Variants in B3GALNT2 observed in about 807,000 individuals in gnomAD.
The protein encoded by B3GALNT2 is beta-1,3-N-acetylgalactosaminyltransferase 2, also known as UDP-GalNAc:beta-1,3-N-acetylgalactosaminyltransferase 2.
Under a neutral mutation model 61.1 loss-of-function variants are expected in B3GALNT2, and 53 were observed. That is an observed-to-expected ratio of 0.87 (90% confidence interval 0.70 to 1.09). B3GALNT2 has a LOEUF of 1.09. Ranked by LOEUF, B3GALNT2 falls within the 50% of genes least tolerant of loss-of-function variation. The probability of loss-of-function intolerance (pLI) is 0.00; values close to 1 mark genes in which losing one functional copy is unlikely to be tolerated. For missense variants in B3GALNT2, 544 were observed against 623.0 expected, an observed-to-expected ratio of 0.87 and a Z score of 1.35; for synonymous variants, 223 against 237.4, an observed-to-expected ratio of 0.94 and a Z score of 0.56.
rs890331096 is a variant in B3GALNT2 at position 235,448,004 on chromosome 1, T to A, written c.*2202A>T. ...GGCGGGCGGATCACGAGGTCAGGAG[T>A]TCAAGACCAGCCTGGCCAACATGGT... On this transcript the variant is annotated 3_prime_UTR_variant, in exon 12 of 12. Coordinates refer to ENST00000366600, the MANE Select transcript of B3GALNT2 (RefSeq NM_152490.5). 3.3e-5 allele frequency among the ~76,000 whole-genome samples: 5 copies of A among 151,112 alleles called. No homozygotes were observed. The highest frequency in any genetic ancestry group is 2.1e-4 in the South Asian group (1 of 4,786).
intron 10 of B3GALNT2, among the ~76,000 whole-genome samples, chr1:235,453,875 C>G (rs1458817805): frequency 6.6e-6 from 1 of 152,046 alleles, no homozygotes; most frequent in Non-Finnish European, 1.5e-5. Flanking sequence ...AGAGGTGATT[C>G]CTATACAGAG....
At position 235,494,692 on chromosome 1, in the gene B3GALNT2, T is replaced by C. The variant is rs770930732; in HGVS notation, c.249A>G (p.Thr83=). The C allele has an allele frequency of 3.1e-6, 5 of 1,612,264 alleles. No individual in the cohort carries two copies. The highest frequency in any genetic ancestry group is 1.7e-5 in the Admixed American group (1 of 59,796). The change falls in exon 2 of 12, where the codon ACA becomes ACG. Residue 83 remains threonine (T), a synonymous_variant. Transcript: ENST00000366600. Reference sequence around the variant, plus strand: ...CTCAGAAAACCTACCGTTGACTTAATGTGGGATGCTGTAGCAAATGTCTCA... The same window carrying C: ...CTCAGAAAACCTACCGTTGACTTAACGTGGGATGCTGTAGCAAATGTCTCA... ...TWMRHLLQHP[T]LSQRVLVKFI...
chr1:235,494,863 T>C (rs1437256382), intron 1 of B3GALNT2, 35 bp from the exon 2 acceptor site: 1 of 1,536,502 alleles, frequency 6.5e-7, no homozygotes. Flanking sequence ...AAATAAGTCA[T>C]GTATCAATTA....
intron 11 of B3GALNT2, chr1:235,451,246 A>G (rs1682878380): frequency 6.6e-6 from 1 of 152,154 alleles, no homozygotes; most frequent in South Asian, 2.1e-4. Flanking sequence ...AGTGGGATGG[A>G]AAGGAGTCTC....
Position 235,448,496 on chromosome 1 carries a change from C to T in B3GALNT2, c.*1710G>A. 2 of 1,529,680 alleles carry T rather than the reference C, an allele frequency of 1.3e-6. No homozygotes were observed. Among genetic ancestry groups the T allele is most frequent in the Non-Finnish European group, 9.1e-7 (1 of 1,103,444 alleles). 94.8% of individuals were successfully genotyped at this position (1,529,680 alleles called of 1,614,324 possible). A position where few individuals can be genotyped will look rare whatever the true frequency, so the allele number is the denominator to read the frequency against. On this transcript the variant is annotated 3_prime_UTR_variant, in exon 12 of 12. Coordinates refer to ENST00000366600, the MANE Select transcript of B3GALNT2 (RefSeq NM_152490.5). ...GTCAAGCTTAGTCCTCGTATTATGA[C>T]ATTAAACTGTCTCTAGATAGCAACA... is the stretch of plus-strand genomic sequence containing the variant.
rs1358237295 is a variant in B3GALNT2, at chr1:235,454,261, G to A, written c.1206C>T (p.Tyr402=). ...DRTGKWQELE[Y]PSPAYPAFAC... ...CAAAGGCAGGGTAAGCGGGGCTCGG[G>A]TACTCCAACTCCTGCCACTTTCCGG... is the stretch of plus-strand genomic sequence containing the variant. Residue 402 remains tyrosine (Y), a synonymous_variant, in exon 10 of 12, where the codon TAC becomes TAT. Coordinates refer to ENST00000366600, the MANE Select transcript of B3GALNT2 (RefSeq NM_152490.5). 9 of 1,613,022 alleles carry A rather than the reference G, an allele frequency of 5.6e-6. No individual in the cohort carries two copies. Among genetic ancestry groups the A allele is most frequent in the Non-Finnish European group, 6.8e-6 (8 of 1,179,146 alleles).
intron 3 of B3GALNT2, among the ~76,000 whole-genome samples, chr1:235,488,296 G>A (rs1258677006): frequency 1.3e-5 from 2 of 152,000 alleles, no homozygotes; most frequent in Admixed American, 6.6e-5. Flanking sequence ...ACTTCCAAAC[G>A]CGTATGAATC....
the B3GALNT2 span, among the ~76,000 whole-genome samples, chr1:235,440,121 C>G: frequency 6.6e-6 from 1 of 152,144 alleles, no homozygotes; most frequent in Non-Finnish European, 1.5e-5. Flanking sequence ...CAGGCGCCCA[C>G]CACCACACCC....
chr1:235,496,323 A>T (rs765350181), intron 1 of B3GALNT2: 1 of 1,048,546 alleles, frequency 9.5e-7, no homozygotes, highest in South Asian at 1.7e-5. Flanking sequence ...AAAAAAAAAA[A>T]AAGTTCCATT....
rs1335543936 is a variant in B3GALNT2 at position 235,447,409 on chromosome 1, C to A, written c.*2797G>T. Among the ~76,000 whole-genome samples, 2 of 152,242 alleles carry A rather than the reference C, an allele frequency of 1.3e-5. No homozygotes were observed. The highest frequency in any genetic ancestry group is 6.5e-5 in the Admixed American group (1 of 15,288). On this transcript the variant is annotated 3_prime_UTR_variant, in exon 12 of 12. Coordinates refer to ENST00000366600, the MANE Select transcript of B3GALNT2 (RefSeq NM_152490.5). ...TAATCAAAATATCCACTATTTACCA[C>A]AACCCGTCTTTGGAAAGAAGTTCAT...
At chr1:235,450,464 G>A in intron 11 of B3GALNT2, 124 bp from the exon 12 acceptor site, 5 of 1,236,302 alleles carry the variant, frequency 4.0e-6, no homozygotes, top group Middle Eastern at 2.1e-4. Context: ...GGATAACTCC[G>A]TGTGTGGAAC....
rs913276829 is a variant in B3GALNT2, at chr1:235,475,941, C to T, written c.651+4113G>A. ...CATGGGCTCAATGATCTGCCCGCCT[C>T]GGCCTCCCAAAGTGCTGGGAGGATA... On this transcript the variant is annotated intron_variant, in intron 5 of 11. Transcript: ENST00000366600. Among the ~76,000 whole-genome samples, 16 of 152,146 alleles carry T rather than the reference C, an allele frequency of 1.1e-4. No homozygotes were observed. In the South Asian group the frequency reaches 1.2e-3, roughly 12 times the overall value.
At chr1:235,480,000 C>T (rs1416031007) in intron 5 of B3GALNT2, 54 bp downstream of exon 5, 1 of 1,602,768 alleles carries the variant, frequency 6.2e-7, no homozygotes, top group East Asian at 2.2e-5. Context: ...AAGCACACGC[C>T]CACTCCTATG....
chr1:235,454,446 CT>C (rs1046542025), intron 9 of B3GALNT2, 131 bp from the exon 10 acceptor site: 583 of 1,016,646 alleles, frequency 5.7e-4, no homozygotes, highest in Middle Eastern at 1.3e-3. Flanking sequence ...AAGAAAATTT[CT>C]TTTTTTTTGA....
intron 1 of B3GALNT2, among the ~76,000 whole-genome samples, chr1:235,498,476 A>T (rs1032433565): frequency 2.0e-5 from 3 of 152,208 alleles, no homozygotes; most frequent in Non-Finnish European, 4.4e-5. Context: ...CAAACTGACA[A>T]ATGTCTTCTT....
intron 1 of B3GALNT2, among the ~76,000 whole-genome samples, chr1:235,497,939 C>G (rs566686262): frequency 2.0e-5 from 3 of 152,326 alleles, no homozygotes; most frequent in African/African-American, 4.8e-5. Context: ...CTCAATCCCC[C>G]CTGCTTCTAA....
chr1:235,453,046 C>T (rs1385700163), intron 11 of B3GALNT2, 44 bp downstream of exon 11: 1 of 1,513,540 alleles, frequency 6.6e-7, no homozygotes, highest in African/African-American at 1.4e-5. Context: ...AGAAATCCAC[C>T]TCCTCAACTC....
chr1:235,442,851 GCACTGAAGATAAAATAC>G, downstream of B3GALNT2: 2 of 1,613,754 alleles, frequency 1.2e-6, no homozygotes, highest in Non-Finnish European at 1.7e-6. Context: ...TTCTCTTAAA[GCACTGAAGATAAAATAC>G]CCTCATCAAC....
At chr1:235,494,594 C>T (rs868216723) in intron 2 of B3GALNT2, 87 bp downstream of exon 2, 55 of 1,403,918 alleles carry the variant, frequency 3.9e-5, no homozygotes, top group African/African-American at 3.9e-4. Flanking sequence ...GTAGCTGGGA[C>T]GACGGGCACA....
Sources: gnomAD v4.1 joint callset for allele counts (sites outside exome capture counted in the v4.1 genomes callset) on GRCh38, gnomAD v4.1.1 for gene constraint, MANE v1.5 for transcripts, NCBI Gene and HGNC (gene_info 2026-07-23, HGNC 2026-07-21) for gene names.